The following LYN variants were observed in gnomAD, a reference collection of about 807,000 sequenced individuals.
The protein encoded by LYN is LYN proto-oncogene, Src family tyrosine kinase.
A neutral mutation model predicts 65.0 loss-of-function variants in LYN; 12 were observed. That is an observed-to-expected ratio of 0.18 (90% CI 0.12 to 0.30). LYN has a LOEUF of 0.30. Among genes scored for constraint, LYN ranks in the 10% least tolerant of loss-of-function variants. LYN has a pLI of 1.00. For missense variants in LYN, 380 were observed against 623.2 expected (o/e 0.61, Z 4.16); for synonymous variants, 222 against 221.2 (o/e 1.00, Z -0.03).
At chr8:55,891,081 G>A (rs1804948338) in intron 1 of LYN, among the ~76,000 whole-genome samples, 2 of 151,706 alleles carry the variant, frequency 1.3e-5, no homozygotes, top group Admixed American at 1.3e-4. Context: ...GGCTGGGTGC[G>A]GTGGCTCATG....
intron 12 of LYN, among the ~76,000 whole-genome samples, chr8:56,001,320 T>C (rs1808504988): frequency 6.6e-6 from 1 of 152,152 alleles, no homozygotes; most frequent in African/African-American, 2.4e-5. Flanking sequence ...AAGAAGGCTA[T>C]GTAGCTGGGG....
intron 1 of LYN, among the ~76,000 whole-genome samples, chr8:55,889,806 A>G (rs1804901817): frequency 1.3e-5 from 2 of 152,124 alleles, no homozygotes; most frequent in South Asian, 4.1e-4. Flanking sequence ...CTGAAATCCC[A>G]GGTCTGTCCC....
At chr8:55,899,147 G>A (rs1325752017) in intron 1 of LYN, among the ~76,000 whole-genome samples, 1 of 152,098 alleles carries the variant, frequency 6.6e-6, no homozygotes, top group Non-Finnish European at 1.5e-5. Context: ...TTTTGTATCA[G>A]GCAATAATTA....
At chr8:55,976,669 G>T (rs1175872400) in intron 10 of LYN, among the ~76,000 whole-genome samples, 1 of 152,196 alleles carries the variant, frequency 6.6e-6, no homozygotes, top group Non-Finnish European at 1.5e-5. Flanking sequence ...GAGGAGGATG[G>T]AGCGTAGTAG....
At chr8:55,965,786 GT>G (rs1020290875) in intron 8 of LYN, among the ~76,000 whole-genome samples, 1 of 151,642 alleles carries the variant, frequency 6.6e-6, no homozygotes, top group African/African-American at 2.4e-5. Context: ...GTTTTGTTTT[GT>G]TTTTTTTGGT....
At chr8:55,906,267 G>T (rs1805414656) in intron 1 of LYN, among the ~76,000 whole-genome samples, 1 of 152,140 alleles carries the variant, frequency 6.6e-6, no homozygotes, top group African/African-American at 2.4e-5. Flanking sequence ...AGTGGCTCAT[G>T]CCTGTAATAC....
At chr8:55,892,524 C>A (rs1804987283) in intron 1 of LYN, among the ~76,000 whole-genome samples, 1 of 152,140 alleles carries the variant, frequency 6.6e-6, no homozygotes, top group Non-Finnish European at 1.5e-5. Flanking sequence ...CTCATTAACT[C>A]CAAATTACAT....
chr8:55,967,143 A>G lies in LYN; in HGVS notation c.973+246A>G, dbSNP rs904033222. 9.3e-5 allele frequency among the ~76,000 whole-genome samples: 14 copies of G among 151,304 alleles called. No individual in the cohort carries two copies. The Admixed American group carries it at 9.3e-4, about 10-fold the overall frequency. ...CCTGCGTGTACCTATTGCCCTGAGA[A>G]TAGTACCCCATATCTAGTAGCCCCC... On this transcript the variant is annotated intron_variant, in intron 9 of 12. Transcript: ENST00000519728.
At chr8:55,902,099 C>T (rs1264426117) in intron 1 of LYN, among the ~76,000 whole-genome samples, 3 of 152,114 alleles carry the variant, frequency 2.0e-5, no homozygotes, top group African/African-American at 7.2e-5. Context: ...CCTCTGTCTC[C>T]TGGGTTCAAG....
chr8:55,906,399 T>C lies in LYN; in HGVS notation c.-6+26296T>C, dbSNP rs117833613. 4.6e-3 allele frequency among the ~76,000 whole-genome samples: 699 copies of C among 152,114 alleles called. 3 individuals carry two copies. Among genetic ancestry groups the C allele is most frequent in the Middle Eastern group, 0.014 (4 of 294 alleles). On this transcript the variant is annotated intron_variant, in intron 1 of 12. Transcript: ENST00000519728. ...TTTCAATCTGTCGCCCAGACTGGAG[T>C]GAAATCACACCCAGCAATGGCGTGA...
intron 1 of LYN, among the ~76,000 whole-genome samples, chr8:55,885,684 G>A (rs1329666194): frequency 6.6e-6 from 1 of 152,212 alleles, no homozygotes; most frequent in African/African-American, 2.4e-5. Flanking sequence ...TGAGGGGAAT[G>A]GAGAAGCTTA....
intron 9 of LYN, among the ~76,000 whole-genome samples, 163 bp downstream of exon 9, chr8:55,967,060 C>G (rs1269036374): frequency 2.0e-5 from 3 of 151,944 alleles, no homozygotes; most frequent in Admixed American, 1.3e-4. Flanking sequence ...AACCTAATCA[C>G]CAGAAGTAAT....
intron 10 of LYN, among the ~76,000 whole-genome samples, chr8:55,987,950 A>G (rs1372822529): frequency 6.6e-6 from 1 of 152,264 alleles, no homozygotes; most frequent in Non-Finnish European, 1.5e-5. Flanking sequence ...AATACATGGT[A>G]GCAATCATCA....
intron 1 of LYN, among the ~76,000 whole-genome samples, chr8:55,927,807 G>C (rs1365221163): frequency 6.6e-6 from 1 of 151,978 alleles, no homozygotes; most frequent in East Asian, 1.9e-4. Flanking sequence ...CTGTACCCCT[G>C]CCTGGGTGAC....
At chr8:55,938,685 T>G (rs1285279725) in intron 1 of LYN, among the ~76,000 whole-genome samples, 1 of 152,228 alleles carries the variant, frequency 6.6e-6, no homozygotes, top group Non-Finnish European at 1.5e-5. Context: ...ATTTTAAAGC[T>G]TTTTTTCTCT....
chr8:55,982,617 C>T (rs963185890), intron 10 of LYN, among the ~76,000 whole-genome samples: 11 of 152,268 alleles, frequency 7.2e-5, no homozygotes, highest in African/African-American at 1.7e-4. Flanking sequence ...CTCGGATCCC[C>T]GAACACTCCT....
chr8:55,932,812 C>A (rs535168029), intron 1 of LYN, among the ~76,000 whole-genome samples: 1 of 152,164 alleles, frequency 6.6e-6, no homozygotes. Flanking sequence ...ATGTCCTGGG[C>A]AGCAACATGG....
intron 10 of LYN, among the ~76,000 whole-genome samples, chr8:55,979,333 T>C (rs1019645401): frequency 6.6e-6 from 1 of 152,212 alleles, no homozygotes; most frequent in Non-Finnish European, 1.5e-5. Flanking sequence ...TCAGCCACCG[T>C]GCCCAGCCTC....
At chr8:55,985,834 C>T (rs1288558761) in intron 10 of LYN, among the ~76,000 whole-genome samples, 6 of 152,072 alleles carry the variant, frequency 3.9e-5, no homozygotes, top group African/African-American at 7.2e-5. Flanking sequence ...TGTCAGTTCT[C>T]GTAAGCTAAT....
Sources: allele counts gnomAD v4.1 joint callset (sites outside exome capture counted in the v4.1 genomes callset), GRCh38; gene constraint gnomAD v4.1.1; transcripts MANE v1.5; gene names NCBI Gene and HGNC (gene_info 2026-07-23, HGNC 2026-07-21).